TBC1D32: variants seen among roughly 807,000 people sequenced by gnomAD.
TBC1D32 encodes the protein protein broad-minded.
Under a neutral mutation model 170.3 loss-of-function variants are expected in TBC1D32, and 151 were observed. The ratio of observed to expected loss-of-function variants is 0.89; its 90% confidence interval spans 0.78 to 1.01. The LOEUF is 1.01. TBC1D32 is among the 50% of genes least tolerant of loss of function. The pLI, the probability that TBC1D32 is intolerant of heterozygous loss-of-function variation, is 0.00. For synonymous variants in TBC1D32, 498 were observed against 488.0 expected (o/e 1.02, Z -0.27); for missense variants, 1,464 against 1,457.1 (o/e 1.00, Z -0.08).
intron 24 of TBC1D32, among the ~76,000 whole-genome samples, chr6:121,153,605 C>A: frequency 6.6e-6 from 1 of 152,148 alleles, no homozygotes; most frequent in Non-Finnish European, 1.5e-5. Flanking sequence ...CCGCCCCTTC[C>A]CCCTGGGGCT....
intron 1 of TBC1D32, among the ~76,000 whole-genome samples, chr6:121,324,644 T>A (rs1012863046): frequency 6.6e-6 from 1 of 152,250 alleles, no homozygotes; most frequent in Non-Finnish European, 1.5e-5. Context: ...CATTGCCTTA[T>A]ATTATTTGAA....
In TBC1D32 at chr6:121,275,867, G is replaced by C. The variant is rs574820718; in HGVS notation, c.1733+3254C>G. ...AGGCTGGGTGAGGTGGCTGACACCT[G>C]TAATCCCAGCACTTGGGGAAGCCAA... On this transcript the variant is annotated intron_variant, in intron 15 of 31. Transcript: ENST00000398212. 1.2e-4 allele frequency among the ~76,000 whole-genome samples: 19 copies of C among 152,230 alleles called. No homozygotes were observed. In the South Asian group the frequency reaches 3.9e-3, roughly 32 times the overall value.
At chr6:121,274,437 C>A (rs1801957026) in intron 15 of TBC1D32, among the ~76,000 whole-genome samples, 1 of 148,602 alleles carries the variant, frequency 6.7e-6, no homozygotes, top group Non-Finnish European at 1.5e-5. Flanking sequence ...GAAAAAAATT[C>A]CCAGAAAAAA....
chr6:121,258,056 A>G (rs995184080), intron 15 of TBC1D32, among the ~76,000 whole-genome samples: 3 of 47,386 alleles, frequency 6.3e-5, no homozygotes, highest in African/African-American at 1.8e-4. Context: ...TAAGTTCATA[A>G]TTTTATTTCT....
At chr6:121,331,989 G>GT (rs967774038) in intron 1 of TBC1D32, among the ~76,000 whole-genome samples, 10 of 152,082 alleles carry the variant, frequency 6.6e-5, no homozygotes, top group Non-Finnish European at 1.2e-4. Flanking sequence ...TCTCTGGATT[G>GT]TTTTTTAGGA....
chr6:121,311,976 TGG>T (rs1236208738), intron 3 of TBC1D32, among the ~76,000 whole-genome samples: 3 of 152,140 alleles, frequency 2.0e-5, no homozygotes, highest in Non-Finnish European at 4.4e-5. Flanking sequence ...AATGATAGGT[TGG>T]ATAAAGAAAA....
intron 22 of TBC1D32, among the ~76,000 whole-genome samples, chr6:121,162,024 G>T (rs1450691309): frequency 4.6e-5 from 7 of 152,070 alleles, no homozygotes; most frequent in African/African-American, 1.7e-4. Flanking sequence ...ACTTTTTAAT[G>T]GGACTGTTTG....
chr6:121,273,103 T>G (rs1187229458), intron 15 of TBC1D32, among the ~76,000 whole-genome samples: 1 of 146,254 alleles, frequency 6.8e-6, no homozygotes, highest in African/African-American at 2.5e-5. Context: ...ACACCAGGGC[T>G]TGTTGTGGGG....
chr6:121,208,112 A>G (rs1792527802), intron 21 of TBC1D32, among the ~76,000 whole-genome samples: 1 of 151,984 alleles, frequency 6.6e-6, no homozygotes, highest in Non-Finnish European at 1.5e-5. Context: ...ACACACCAAA[A>G]AAAAAAAAAG....
intron 20 of TBC1D32, among the ~76,000 whole-genome samples, chr6:121,227,030 A>T (rs1795155430): frequency 6.6e-6 from 1 of 151,510 alleles, no homozygotes; most frequent in Admixed American, 6.6e-5. Context: ...AAAATACAGT[A>T]ACAATAGCTA....
intron 26 of TBC1D32, among the ~76,000 whole-genome samples, chr6:121,121,452 A>G (rs1370439119): frequency 6.6e-6 from 1 of 152,058 alleles, no homozygotes; most frequent in Non-Finnish European, 1.5e-5. Flanking sequence ...AGGAAAGATG[A>G]TCTGTTATCA....
At chr6:121,296,581 C>T (rs1001154682) in intron 10 of TBC1D32, among the ~76,000 whole-genome samples, 3 of 152,146 alleles carry the variant, frequency 2.0e-5, no homozygotes, top group Admixed American at 2.0e-4. Flanking sequence ...CAAAAGTCCT[C>T]TAAATCCTAC....
intron 24 of TBC1D32, 149 bp downstream of exon 24, chr6:121,159,861 T>G (rs1785388414): frequency 1.9e-6 from 1 of 532,744 alleles, no homozygotes; most frequent in Non-Finnish European, 3.3e-6. Flanking sequence ...GTAAGAAACA[T>G]GAGGAAAAAA....
chr6:121,108,618 A>G (rs1394011248), intron 29 of TBC1D32, among the ~76,000 whole-genome samples: 1 of 152,108 alleles, frequency 6.6e-6, no homozygotes, highest in Non-Finnish European at 1.5e-5. Flanking sequence ...TCTTCAGAAT[A>G]CTGTATATTA....
At chr6:121,208,086 T>TG (rs961472231) in intron 21 of TBC1D32, among the ~76,000 whole-genome samples, 1 of 150,288 alleles carries the variant, frequency 6.7e-6, no homozygotes, top group Admixed American at 6.7e-5. Flanking sequence ...GAGAGTTAAA[T>TG]GGTGACCCCT....
At chr6:121,093,349 C>T (rs1306149556) in intron 30 of TBC1D32, among the ~76,000 whole-genome samples, 3 of 152,158 alleles carry the variant, frequency 2.0e-5, no homozygotes, top group Non-Finnish European at 4.4e-5. Flanking sequence ...AGTACTTTGA[C>T]TAGAAGCAAT....
chr6:121,289,762 C>T (rs1283203057), intron 12 of TBC1D32, among the ~76,000 whole-genome samples: 1 of 151,304 alleles, frequency 6.6e-6, no homozygotes, highest in Non-Finnish European at 1.5e-5. Context: ...TACAAGGCTA[C>T]AGTAACCAAA....
intron 22 of TBC1D32, among the ~76,000 whole-genome samples, chr6:121,195,358 G>A (rs1244818528): frequency 6.6e-6 from 1 of 152,178 alleles, no homozygotes; most frequent in African/African-American, 2.4e-5. Context: ...ATTTTGGAAA[G>A]TCCCTACCAT....
chr6:121,317,831 G>A, intron 2 of TBC1D32, 159 bp from the exon 3 acceptor site: 2 of 487,868 alleles, frequency 4.1e-6, no homozygotes, highest in South Asian at 4.2e-5. Context: ...AAGAAGAAGT[G>A]GTAGAACAGA....
Sources: allele counts gnomAD v4.1 joint callset (sites outside exome capture counted in the v4.1 genomes callset), GRCh38; gene constraint gnomAD v4.1.1; transcripts MANE v1.5; gene names NCBI Gene and HGNC (gene_info 2026-07-23, HGNC 2026-07-21).